The following SORCS2 variants were observed in gnomAD, a reference collection of about 807,000 sequenced individuals.
SORCS2 encodes the protein VPS10 domain-containing receptor SorCS2.
A neutral mutation model predicts 141.6 loss-of-function variants in SORCS2; 100 were observed. The ratio of observed to expected loss-of-function variants is 0.71; its 90% confidence interval spans 0.60 to 0.83. The LOEUF is 0.83. SORCS2 is among the 40% of genes least tolerant of loss of function. SORCS2 has a pLI of 0.00. For synonymous variants in SORCS2, 789 were observed against 676.9 expected (o/e 1.17, Z -2.57); for missense variants, 1,646 against 1,560.2 (o/e 1.05, Z -0.93).
intron 1 of SORCS2, among the ~76,000 whole-genome samples, chr4:7,333,250 C>A (rs747824780): frequency 6.6e-6 from 1 of 152,206 alleles, no homozygotes; most frequent in South Asian, 2.1e-4. Context: ...CTGCCTCTTG[C>A]GTTGGGTGTT....
chr4:7,636,825 G>A (rs1444197607), intron 3 of SORCS2, among the ~76,000 whole-genome samples: 1 of 152,032 alleles, frequency 6.6e-6, no homozygotes. Context: ...CCACAACCTG[G>A]GGAGCTGAAA....
chr4:7,632,283 AT>A (rs1719942356), intron 3 of SORCS2, among the ~76,000 whole-genome samples: 1 of 152,126 alleles, frequency 6.6e-6, no homozygotes, highest in South Asian at 2.1e-4. Context: ...GTCGTCTCTA[AT>A]TTCAAAAAAC....
At chr4:7,735,697 A>G (rs564166562) in intron 25 of SORCS2, among the ~76,000 whole-genome samples, 2 of 152,334 alleles carry the variant, frequency 1.3e-5, no homozygotes, top group African/African-American at 4.8e-5. Context: ...GAACAGGTCT[A>G]TCCAGGGGTT....
At chr4:7,540,956 C>T (rs1019861988) in intron 3 of SORCS2, among the ~76,000 whole-genome samples, 1 of 152,228 alleles carries the variant, frequency 6.6e-6, no homozygotes, top group East Asian at 1.9e-4. Context: ...GCCCTCAGGT[C>T]AGAGCCAGTG....
chr4:7,639,862 T>TGA (rs142814798), intron 4 of SORCS2, among the ~76,000 whole-genome samples: 18,269 of 151,418 alleles, frequency 0.12, 1,337 homozygotes, highest in Middle Eastern at 0.19. Context: ...AGGGTGTGTG[T>TGA]GATTGCGTGT....
At chr4:7,255,708 A>G (rs1419428000) in intron 1 of SORCS2, among the ~76,000 whole-genome samples, 2 of 152,122 alleles carry the variant, frequency 1.3e-5, no homozygotes, top group Non-Finnish European at 2.9e-5. Context: ...CATCTGTTCC[A>G]ATCTTTCATC....
At chr4:7,402,625 C>T (rs561934454) in intron 2 of SORCS2, among the ~76,000 whole-genome samples, 2 of 152,180 alleles carry the variant, frequency 1.3e-5, no homozygotes, top group East Asian at 1.9e-4. Context: ...GAACACGTCT[C>T]CAGTCAGATG....
intron 3 of SORCS2, among the ~76,000 whole-genome samples, chr4:7,608,062 G>A (rs541363177): frequency 6.6e-6 from 1 of 152,196 alleles, no homozygotes; most frequent in African/African-American, 2.4e-5. Context: ...AGAGAAGGAG[G>A]CCTCCACAGT....
intron 2 of SORCS2, among the ~76,000 whole-genome samples, chr4:7,487,395 G>A (rs1469546838): frequency 6.6e-6 from 1 of 152,204 alleles, no homozygotes. Context: ...CTCCCTGTTG[G>A]GGAGTGGGGC....
intron 3 of SORCS2, among the ~76,000 whole-genome samples, chr4:7,599,410 C>G (rs1217353799): frequency 6.6e-6 from 1 of 152,218 alleles, no homozygotes; most frequent in African/African-American, 2.4e-5. Context: ...CCGGTGTGCT[C>G]CGTGCAGATG....
intron 1 of SORCS2, among the ~76,000 whole-genome samples, chr4:7,205,846 C>T (rs1343459239): frequency 1.3e-5 from 2 of 152,096 alleles, no homozygotes; most frequent in Non-Finnish European, 2.9e-5. Flanking sequence ...AAGTTTGAGA[C>T]CAGTCTGGGC....
At chr4:7,706,210 G>A (rs1452157970) in intron 14 of SORCS2, among the ~76,000 whole-genome samples, 2 of 125,226 alleles carry the variant, frequency 1.6e-5, no homozygotes, top group Non-Finnish European at 1.7e-5. Context: ...GATGAGGCTG[G>A]GCTCCGTCTG....
intron 20 of SORCS2, among the ~76,000 whole-genome samples, chr4:7,725,532 G>C (rs1033326478): frequency 6.6e-6 from 1 of 152,216 alleles, no homozygotes; most frequent in Admixed American, 6.5e-5. Context: ...GAAAGAGATG[G>C]GAACGCAGTG....
rs540247221 is a variant in SORCS2, at chr4:7,384,923, G to C, written c.481-11365G>C. Among the ~76,000 whole-genome samples, 4 of 152,224 alleles carry C rather than the reference G, an allele frequency of 2.6e-5. No homozygotes were observed. In the South Asian group the frequency reaches 8.3e-4, roughly 32 times the overall value. On this transcript the variant is annotated intron_variant, in intron 1 of 26. Coordinates refer to ENST00000507866, the MANE Select transcript of SORCS2 (RefSeq NM_020777.3). ...ATCAGGCAGGTGGAGGTCCAGGCTC[G>C]CCGGCTCAGCTTCAGCAGAAGATTC...
At chr4:7,231,955 G>T (rs1371934216) in intron 1 of SORCS2, among the ~76,000 whole-genome samples, 1 of 152,202 alleles carries the variant, frequency 6.6e-6, no homozygotes, top group Non-Finnish European at 1.5e-5. Context: ...CTCACAGGGT[G>T]CACTTGGGTG....
At chr4:7,433,718 C>G (rs1170757620) in intron 2 of SORCS2, 2 of 1,613,104 alleles carry the variant, frequency 1.2e-6, no homozygotes, top group Non-Finnish European at 1.7e-6. Flanking sequence ...TTCTCCGCGT[C>G]CCACTCTGGG....
chr4:7,637,129 C>T (rs537468047), intron 3 of SORCS2, among the ~76,000 whole-genome samples: 55 of 152,226 alleles, frequency 3.6e-4, no homozygotes, highest in Non-Finnish European at 6.6e-4. Flanking sequence ...TTAGCCACGT[C>T]TCCAATGACC....
chr4:7,453,968 CTG>C (rs1174129651), intron 2 of SORCS2, among the ~76,000 whole-genome samples: 11 of 109,256 alleles, frequency 1.0e-4, no homozygotes, highest in East Asian at 2.9e-4. Context: ...GGGTCAGGTG[CTG>C]TGTGTTGGGG....
intron 1 of SORCS2, chr4:7,382,045 C>T: frequency 4.3e-6 from 4 of 936,184 alleles, no homozygotes; most frequent in Non-Finnish European, 5.1e-6. Context: ...AAAGATGGGA[C>T]CTCGTTCGGG....
Sources: gnomAD v4.1 joint callset for allele counts (sites outside exome capture counted in the v4.1 genomes callset) on GRCh38, gnomAD v4.1.1 for gene constraint, MANE v1.5 for transcripts, NCBI Gene and HGNC (gene_info 2026-07-23, HGNC 2026-07-21) for gene names.